GMDS: variants seen among roughly 807,000 people sequenced by gnomAD.
The protein encoded by GMDS is GDP-mannose 4,6-dehydratase, also known as GDP-mannose 4,6 dehydratase.
GMDS carries 20 observed loss-of-function variants against 49.9 expected under a neutral mutation model. The ratio of observed to expected loss-of-function variants is 0.40; its 90% CI spans 0.28 to 0.58. GMDS has a LOEUF of 0.58. Among genes scored for constraint, GMDS ranks in the 20% least tolerant of loss-of-function variants. GMDS has a pLI of 0.42. For missense variants in GMDS, 362 were observed against 481.4 expected (o/e 0.75, Z 2.32); for synonymous variants, 177 against 178.6 (o/e 0.99, Z 0.07).
At chr6:1,696,660 G>C (rs1356109644) in intron 9 of GMDS, among the ~76,000 whole-genome samples, 2 of 152,250 alleles carry the variant, frequency 1.3e-5, no homozygotes, top group Non-Finnish European at 2.9e-5. Context: ...GATGCGGAAA[G>C]TGAGGCTCAG....
chr6:2,072,267 A>C (rs918413576), intron 4 of GMDS, among the ~76,000 whole-genome samples: 1 of 152,222 alleles, frequency 6.6e-6, no homozygotes, highest in Non-Finnish European at 1.5e-5. Flanking sequence ...CAAAATTCTA[A>C]AAGAAAGGGG....
intron 4 of GMDS, among the ~76,000 whole-genome samples, chr6:2,073,876 T>G (rs1178291805): frequency 6.6e-6 from 1 of 152,246 alleles, no homozygotes; most frequent in African/African-American, 2.4e-5. Context: ...TATTCCATCA[T>G]GTATATATAC....
chr6:2,085,902 T>C (rs1581630837), intron 4 of GMDS, among the ~76,000 whole-genome samples: 1 of 152,348 alleles, frequency 6.6e-6, no homozygotes, highest in East Asian at 1.9e-4. Flanking sequence ...GGCTCTCCTG[T>C]CATTCATTAA....
intron 4 of GMDS, among the ~76,000 whole-genome samples, chr6:2,113,296 C>T (rs531390245): frequency 3.9e-5 from 6 of 152,086 alleles, no homozygotes; most frequent in African/African-American, 1.4e-4. Flanking sequence ...CACTCCCACC[C>T]CCATTTCTAG....
At chr6:1,999,534 T>C (rs1766523569) in intron 4 of GMDS, among the ~76,000 whole-genome samples, 1 of 151,878 alleles carries the variant, frequency 6.6e-6, no homozygotes, top group African/African-American at 2.4e-5. Flanking sequence ...AAGATTTTGC[T>C]ACAGTCTTGG....
At chr6:1,780,790 T>G (rs922967570) in intron 7 of GMDS, among the ~76,000 whole-genome samples, 2 of 152,356 alleles carry the variant, frequency 1.3e-5, no homozygotes, top group Middle Eastern at 3.4e-3. Flanking sequence ...CAGAAGAACT[T>G]CGCCATCTTG....
At chr6:1,918,666 T>C (rs1271516622) in intron 7 of GMDS, among the ~76,000 whole-genome samples, 3 of 152,140 alleles carry the variant, frequency 2.0e-5, no homozygotes, top group East Asian at 3.9e-4. Flanking sequence ...GGAGGATCAC[T>C]TGAGCCTGGG....
At chr6:1,966,187 AT>A (rs1324371830) in intron 4 of GMDS, among the ~76,000 whole-genome samples, 1 of 152,124 alleles carries the variant, frequency 6.6e-6, no homozygotes, top group African/African-American at 2.4e-5. Flanking sequence ...GGGAGCCAAA[AT>A]GAGTAGGGTT....
chr6:1,704,579 C>T lies in GMDS; in HGVS notation c.987+21837G>A, dbSNP rs186849950. 7.8e-4 allele frequency among the ~76,000 whole-genome samples: 119 copies of T among 152,254 alleles called. 1 individual carries two copies. In the East Asian group the frequency reaches 0.015, roughly 19 times the overall value. ...GGAAGAGGGCCAGGACAGGTGGATG[C>T]GGAGCGTGAAAATATCTGTGTTGTG... On this transcript the variant is annotated intron_variant, in intron 9 of 10. Transcript: ENST00000380815.
intron 9 of GMDS, among the ~76,000 whole-genome samples, chr6:1,682,221 T>C (rs1350450952): frequency 6.6e-6 from 1 of 152,230 alleles, no homozygotes; most frequent in Non-Finnish European, 1.5e-5. Context: ...TTTTATTCTA[T>C]AATTTATTTT....
intron 7 of GMDS, among the ~76,000 whole-genome samples, chr6:1,843,454 C>A (rs1757235888): frequency 6.6e-6 from 1 of 152,158 alleles, no homozygotes; most frequent in Admixed American, 6.5e-5. Flanking sequence ...AAGACCAGAG[C>A]CCTATAGGGT....
chr6:1,699,469 A>C (rs1765464807), intron 9 of GMDS, among the ~76,000 whole-genome samples: 1 of 151,968 alleles, frequency 6.6e-6, no homozygotes, highest in South Asian at 2.1e-4. Context: ...TTAAAACAAT[A>C]CGTGTCGATC....
chr6:1,914,120 GTTTT>G (rs1198007340), intron 7 of GMDS, among the ~76,000 whole-genome samples: 2 of 110,304 alleles, frequency 1.8e-5, no homozygotes, highest in African/African-American at 3.8e-5. Flanking sequence ...TCATGAAAGC[GTTTT>G]TTGTTTGTTT....
At chr6:1,797,975 T>C (rs1769803059) in intron 7 of GMDS, among the ~76,000 whole-genome samples, 1 of 152,236 alleles carries the variant, frequency 6.6e-6, no homozygotes, top group African/African-American at 2.4e-5. Flanking sequence ...TTTTCAGTTC[T>C]AATGCTAGGA....
intron 4 of GMDS, among the ~76,000 whole-genome samples, chr6:2,009,855 T>C (rs1767439710): frequency 2.0e-5 from 3 of 152,216 alleles, no homozygotes; most frequent in Non-Finnish European, 4.4e-5. Context: ...AGATTGCTTA[T>C]ATTTATTTTG....
intron 6 of GMDS, among the ~76,000 whole-genome samples, chr6:1,952,407 T>C (rs1763390930): frequency 6.6e-6 from 1 of 152,152 alleles, no homozygotes; most frequent in South Asian, 2.1e-4. Context: ...ATTAAATCAC[T>C]ATGTCAAACG....
At chr6:1,767,482 G>A (rs891457347) in intron 7 of GMDS, among the ~76,000 whole-genome samples, 1 of 152,146 alleles carries the variant, frequency 6.6e-6, no homozygotes, top group Non-Finnish European at 1.5e-5. Context: ...ATAAAAACAA[G>A]CAACAAGAGC....
chr6:1,664,469 G>A (rs1211938018), intron 9 of GMDS, among the ~76,000 whole-genome samples: 3 of 152,194 alleles, frequency 2.0e-5, no homozygotes, highest in Non-Finnish European at 2.9e-5. Flanking sequence ...GAGAGGAATT[G>A]TTTCTCCTTA....
chr6:1,793,073 C>T (rs576309439), intron 7 of GMDS, among the ~76,000 whole-genome samples: 1 of 151,782 alleles, frequency 6.6e-6, no homozygotes, highest in Non-Finnish European at 1.5e-5. Context: ...CTCATCTTCA[C>T]CCCTTTCTTG....
Sources: allele counts gnomAD v4.1 joint callset (sites outside exome capture counted in the v4.1 genomes callset), GRCh38; gene constraint gnomAD v4.1.1; transcripts MANE v1.5; gene names NCBI Gene and HGNC (gene_info 2026-07-23, HGNC 2026-07-21).